The following SWI5 variants were observed in gnomAD, a reference collection of about 807,000 sequenced individuals.
The protein encoded by SWI5 is SWI5 homologous recombination repair protein.
In SWI5, 12 loss-of-function variants were observed where a neutral mutation model predicts 17.0. That is an observed-to-expected ratio of 0.71 (90% confidence interval 0.45 to 1.14). The LOEUF is 1.14. Ranked by LOEUF, SWI5 falls within the 50% of genes most tolerant of loss-of-function variation. SWI5 has a pLI of 0.00. For missense variants in SWI5, 158 were observed against 162.2 expected (o/e 0.97, Z 0.14); for synonymous variants, 61 against 64.0 (o/e 0.95, Z 0.22).
In SWI5 at chr9:128,285,593, G is replaced by A. The variant is rs556303165; in HGVS notation, c.234-346G>A. Reference sequence around the variant, plus strand: ...TTGTTCCAGCCACATGGCAGAGACTGAGCTGCCTTTGAATGTGCATTTCAC... The same window carrying A: ...TTGTTCCAGCCACATGGCAGAGACTAAGCTGCCTTTGAATGTGCATTTCAC... On this transcript the variant is annotated intron_variant, in intron 3 of 4. Transcript: ENST00000418976. This position sits in a 1 kb window ranked among gnomAD's most constrained non-coding sequence, Gnocchi z 4.8. Among the ~76,000 whole-genome samples the A allele has an allele frequency of 1.3e-5, 2 of 152,332 alleles. No homozygotes were observed. Among genetic ancestry groups the A allele is most frequent in the East Asian group, 3.9e-4 (2 of 5,190 alleles).
chr9:128,276,314 C>CT (rs1564371521), exon 1 of SWI5: 1 of 1,613,064 alleles, frequency 6.2e-7, no homozygotes. Context: ...CCCGGTGCAC[C>CT]TGAGAGGTCG....
At chr9:128,276,154 G>A (rs762907156), upstream of SWI5, 19 of 1,568,978 alleles carry the variant, frequency 1.2e-5, no homozygotes, top group Admixed American at 5.9e-5. Flanking sequence ...CTATGCAGCG[G>A]CGTGGCCAGA....
intron 4 of SWI5, chr9:128,286,257 G>C (rs987307698): frequency 1.7e-5 from 9 of 514,340 alleles, no homozygotes; most frequent in African/African-American, 1.5e-4. Flanking sequence ...CCGCAGCCAG[G>C]TTTGAGCGGG....
At chr9:128,275,384 C>T (rs1831257845), upstream of SWI5, 3 of 1,286,128 alleles carry the variant, frequency 2.3e-6, no homozygotes, top group Non-Finnish European at 3.0e-6. Context: ...AACATCAGCG[C>T]GACGTCCAAG....
At chr9:128,287,400 C>T (rs1831660613) in intron 4 of SWI5, among the ~76,000 whole-genome samples, 1 of 149,602 alleles carries the variant, frequency 6.7e-6, no homozygotes, top group Admixed American at 6.7e-5. Flanking sequence ...TTACGGTGAG[C>T]CGAGATCACA....
chr9:128,287,561 T>TA (rs1183129946), intron 4 of SWI5, among the ~76,000 whole-genome samples: 6 of 145,042 alleles, frequency 4.1e-5, no homozygotes, highest in Non-Finnish European at 9.1e-5. Context: ...CTATCCCTTT[T>TA]TTTTTTTTTT....
Position 128,288,690 on chromosome 9 carries a change from G to T in SWI5, c.367G>T (p.Glu123Ter). 1 of 1,614,178 alleles carries T rather than the reference G, an allele frequency of 6.2e-7. No homozygotes were observed. Among genetic ancestry groups the T allele is most frequent in the East Asian group, 2.2e-5 (1 of 44,880 alleles). ...TGTCACCACCAAAGAGTTGTATCCAGAGTTTGGGCTGGACATGAATGACTG... is the reference window on the plus strand; with the variant it reads ...TGTCACCACCAAAGAGTTGTATCCATAGTTTGGGCTGGACATGAATGACTG... The change falls in exon 5 of 5, where the codon GAG becomes TAG. Residue 123 changes from glutamate to a stop codon, truncating the protein, a stop_gained. Transcript: ENST00000418976. LOFTEE classifies it high-confidence loss of function.
At chr9:128,284,372 G>T in intron 2 of SWI5, 138 bp from the exon 3 acceptor site, 1 of 939,592 alleles carries the variant, frequency 1.1e-6, no homozygotes, top group Non-Finnish European at 1.5e-6. Context: ...TTCCAAGGAA[G>T]GCTTGGAAAT....
chr9:128,278,696 T>G (rs920031449), intron 2 of SWI5: 4 of 471,532 alleles, frequency 8.5e-6, no homozygotes, highest in African/African-American at 8.0e-5. Context: ...GGCCTGTGAG[T>G]TCCAGAGAGA....
intron 2 of SWI5, among the ~76,000 whole-genome samples, chr9:128,277,949 T>G (rs1300545139): frequency 0.19 from 445 of 2,402 alleles, 4 homozygotes; most frequent in Middle Eastern, 0.25. Flanking sequence ...ATTCCTTCTC[T>G]TTTTTTTTTT....
Position 128,284,584 on chromosome 9 carries a change from G to A in SWI5, c.186G>A (p.Lys62=), listed in dbSNP as rs757853269. 8.1e-6 allele frequency: 13 copies of A among 1,613,878 alleles called. No individual in the cohort carries two copies. The East Asian group carries it at 2.7e-4, about 33-fold the overall frequency. The change falls in exon 3 of 5, where the codon AAG becomes AAA. Residue 62 remains lysine (K), a synonymous_variant. Coordinates refer to ENST00000418976, the Ensembl canonical transcript of SWI5. ...TGCACCTTGACATTCAGAAACTGAA[G>A]GAGAAGAGGGACATGCTGGACAAGG...
At chr9:128,275,418 G>A (rs888036977), upstream of SWI5, 8 of 1,294,026 alleles carry the variant, frequency 6.2e-6, no homozygotes, top group African/African-American at 1.2e-4. Context: ...ATGGGGGAGG[G>A]GACCGCAGGG....
chr9:128,288,063 G>A (rs1048924269), intron 4 of SWI5, among the ~76,000 whole-genome samples: 1 of 152,132 alleles, frequency 6.6e-6, no homozygotes, highest in South Asian at 2.1e-4. Flanking sequence ...TGCTATGAAG[G>A]CGACAAAGGG....
Position 128,286,037 on chromosome 9 carries a change from A to T in SWI5, c.328+4A>T. 6.2e-7 allele frequency: 1 copy of T among 1,607,724 alleles called. No individual in the cohort carries two copies. The highest frequency in any genetic ancestry group is 8.5e-7 in the Non-Finnish European group (1 of 1,174,186). ...CAGATGCTGATGGGCAAACTAGGTG[A>T]GTAGTTGGGACTCCAGAGCCACAAG... On this transcript the variant is annotated splice_donor_region_variant and intron_variant, in intron 4 of 4. Transcript: ENST00000418976.
At chr9:128,287,723 G>A (rs1001909528) in intron 4 of SWI5, among the ~76,000 whole-genome samples, 20 of 151,694 alleles carry the variant, frequency 1.3e-4, no homozygotes, top group African/African-American at 4.3e-4. Context: ...CACCACGCCC[G>A]GCTAATTTTT....
chr9:128,275,972 C>T (rs751911459), upstream of SWI5: 5 of 1,596,940 alleles, frequency 3.1e-6, no homozygotes, highest in Non-Finnish European at 4.3e-6. Flanking sequence ...GGGTTGGGGC[C>T]ACATCAGCGC....
intron 2 of SWI5, among the ~76,000 whole-genome samples, chr9:128,277,364 C>G (rs868786036): frequency 5.9e-5 from 9 of 152,064 alleles, no homozygotes; most frequent in Non-Finnish European, 1.2e-4. Context: ...CCAGCCTGCC[C>G]AACATGATGA....
chr9:128,286,222 C>G (rs575640743), intron 4 of SWI5, 189 bp downstream of exon 4: 1 of 562,956 alleles, frequency 1.8e-6, no homozygotes, highest in Non-Finnish European at 3.2e-6. Flanking sequence ...AGGTTTGTTC[C>G]TCAAGTACAG....
chr9:128,275,919 T>C, upstream of SWI5: 3 of 1,588,268 alleles, frequency 1.9e-6, no homozygotes, highest in Non-Finnish European at 2.6e-6. Context: ...GCCAATTTGC[T>C]CTGTCGGGTT....
Sources: allele counts gnomAD v4.1 joint callset (sites outside exome capture counted in the v4.1 genomes callset), GRCh38; gene constraint gnomAD v4.1.1; non-coding constraint Gnocchi (gnomAD v3.1); transcripts MANE v1.5; gene names NCBI Gene and HGNC (gene_info 2026-07-23, HGNC 2026-07-21).